Variants in DLEU7 observed in about 807,000 individuals in gnomAD.
DLEU7 encodes the protein deleted in lymphocytic leukemia 7.
A neutral mutation model predicts 16.0 loss-of-function variants in DLEU7; 17 were observed. The observed-to-expected ratio is 1.06, with a 90% CI of 0.73 to 1.59. The LOEUF is 1.59. Among genes scored for constraint, DLEU7 ranks in the 40% most tolerant of loss-of-function variants. DLEU7 has a pLI of 0.00. For synonymous variants in DLEU7, 113 were observed against 139.8 expected (o/e 0.81, Z 1.35); for missense variants, 308 against 314.9 (o/e 0.98, Z 0.17).
chr13:50,719,748 A>AAT (rs1190628820), intron 1 of DLEU7: 4 of 152,246 alleles, frequency 2.6e-5, no homozygotes, highest in African/African-American at 9.6e-5. Flanking sequence ...AGTAGGAATT[A>AAT]ATACGTGGTT....
chr13:50,751,138 A>C (rs1874552236), intron 1 of DLEU7, among the ~76,000 whole-genome samples: 1 of 152,198 alleles, frequency 6.6e-6, no homozygotes, highest in South Asian at 2.1e-4. Context: ...CTTTAATCAC[A>C]AAGGGATGCT....
At chr13:50,719,206 T>G (rs1873525893) in intron 1 of DLEU7, among the ~76,000 whole-genome samples, 1 of 152,228 alleles carries the variant, frequency 6.6e-6, no homozygotes, top group Admixed American at 6.5e-5. Context: ...TCCATTACCA[T>G]GAATAATTTC....
intron 1 of DLEU7, among the ~76,000 whole-genome samples, chr13:50,750,279 A>T (rs777018285): frequency 1.9e-4 from 29 of 152,192 alleles, no homozygotes; most frequent in South Asian, 6.2e-4. Context: ...TCTCTATTCT[A>T]TTCCATTGGT....
chr13:50,817,177 G>C (rs1876759866), intron 1 of DLEU7, among the ~76,000 whole-genome samples: 1 of 152,080 alleles, frequency 6.6e-6, no homozygotes, highest in South Asian at 2.1e-4. Flanking sequence ...CAAGTCAAGG[G>C]GAACAAATTA....
At chr13:50,825,272 G>A (rs1042309607) in intron 1 of DLEU7, among the ~76,000 whole-genome samples, 1 of 152,102 alleles carries the variant, frequency 6.6e-6, no homozygotes, top group South Asian at 2.1e-4. Flanking sequence ...TCTTTTTCCT[G>A]AAAGGCAGAT....
chr13:50,773,844 C>T (rs1460361794), intron 1 of DLEU7, among the ~76,000 whole-genome samples: 2 of 152,214 alleles, frequency 1.3e-5, no homozygotes, highest in African/African-American at 4.8e-5. Flanking sequence ...GCAGAAGTTT[C>T]TGCTGCCTTT....
At chr13:50,739,683 T>A (rs1426430079) in intron 1 of DLEU7, among the ~76,000 whole-genome samples, 1 of 152,172 alleles carries the variant, frequency 6.6e-6, no homozygotes, top group Non-Finnish European at 1.5e-5. Flanking sequence ...GCAAAAATTC[T>A]CTCACCAGCC....
rs527815022 is a variant in DLEU7, at chr13:50,758,066, T to A, written c.460-44826A>T. Among the ~76,000 whole-genome samples the A allele has an allele frequency of 5.9e-4, 86 of 144,620 alleles. 1 individual carries two copies. Among genetic ancestry groups the A allele is most frequent in the African/African-American group, 2.2e-3 (83 of 38,316 alleles). 94.9% of individuals were successfully genotyped at this position (144,620 alleles called of 152,430 possible). On this transcript the variant is annotated intron_variant, in intron 1 of 1. Transcript: ENST00000400393. The stretch of plus-strand genomic sequence containing the variant: ...TTTTTTTTTTGAGATGAGGTTTAGC[T>A]ATGTTGCCCAGGTTGGTCTCAAATT...
chr13:50,766,124 A>G (rs1452669102), intron 1 of DLEU7, among the ~76,000 whole-genome samples: 1 of 152,242 alleles, frequency 6.6e-6, no homozygotes, highest in Non-Finnish European at 1.5e-5. Flanking sequence ...GCAACACAGC[A>G]TAAAACATGA....
intron 1 of DLEU7, among the ~76,000 whole-genome samples, chr13:50,804,327 T>C (rs888398293): frequency 3.3e-5 from 5 of 152,086 alleles, no homozygotes; most frequent in African/African-American, 4.8e-5. Context: ...TGATACTGAG[T>C]TTCCCTCACC....
intron 1 of DLEU7, among the ~76,000 whole-genome samples, chr13:50,744,496 A>T (rs748987892): frequency 2.6e-5 from 4 of 152,164 alleles, no homozygotes; most frequent in Non-Finnish European, 5.9e-5. Flanking sequence ...CAATTTCGCA[A>T]ATTCTGTATC....
chr13:50,790,482 C>CG (rs74952973), intron 1 of DLEU7, among the ~76,000 whole-genome samples: 66,365 of 151,678 alleles, frequency 0.44, 14,747 homozygotes, highest in Middle Eastern at 0.55. Flanking sequence ...AAGGAGACCC[C>CG]CGCTGCTTTT....
intron 1 of DLEU7, among the ~76,000 whole-genome samples, chr13:50,732,011 T>C: frequency 6.6e-6 from 1 of 152,232 alleles, no homozygotes; most frequent in Non-Finnish European, 1.5e-5. Context: ...TGCTTTATTC[T>C]ACTCTGATAT....
intron 1 of DLEU7, among the ~76,000 whole-genome samples, chr13:50,806,654 T>G (rs1366992899): frequency 6.6e-6 from 1 of 152,084 alleles, no homozygotes; most frequent in Non-Finnish European, 1.5e-5. Context: ...AATCTCAACT[T>G]TATCCTCACA....
At chr13:50,769,836 G>C (rs926879632) in intron 1 of DLEU7, among the ~76,000 whole-genome samples, 1 of 152,194 alleles carries the variant, frequency 6.6e-6, no homozygotes, top group African/African-American at 2.4e-5. Context: ...GTCATTGGTA[G>C]CTTGATGGAG....
chr13:50,730,468 C>T (rs1050182978), intron 1 of DLEU7, among the ~76,000 whole-genome samples: 2 of 152,086 alleles, frequency 1.3e-5, no homozygotes, highest in African/African-American at 4.8e-5. Flanking sequence ...AAGAATTTTT[C>T]TTTCAAATTC....
intron 1 of DLEU7, among the ~76,000 whole-genome samples, chr13:50,799,960 T>C (rs1876203684): frequency 6.6e-6 from 1 of 152,200 alleles, no homozygotes; most frequent in Middle Eastern, 3.2e-3. Flanking sequence ...ACTATCAAAC[T>C]GTACACAGAA....
At chr13:50,727,542 G>A (rs1873799421) in intron 1 of DLEU7, among the ~76,000 whole-genome samples, 1 of 152,086 alleles carries the variant, frequency 6.6e-6, no homozygotes, top group South Asian at 2.1e-4. Flanking sequence ...CTGGTTTGAG[G>A]TGCCACACCT....
At chr13:50,723,415 TAC>T (rs35069706) in intron 1 of DLEU7, among the ~76,000 whole-genome samples, 49,029 of 147,842 alleles carry the variant, frequency 0.33, 8,006 homozygotes, top group African/African-American at 0.36. Context: ...ACAATAATTG[TAC>T]ACACACACAC....
Sources: gnomAD v4.1 joint callset for allele counts (sites outside exome capture counted in the v4.1 genomes callset) on GRCh38, gnomAD v4.1.1 for gene constraint, MANE v1.5 for transcripts, NCBI Gene and HGNC (gene_info 2026-07-23, HGNC 2026-07-21) for gene names.